DBNL: variants seen among roughly 807,000 people sequenced by gnomAD.
DBNL encodes the protein drebrin-like protein.
In DBNL, 35 loss-of-function variants were observed where a neutral mutation model predicts 62.2. That is an observed-to-expected ratio of 0.56 (90% CI 0.43 to 0.75). The LOEUF (loss-of-function observed/expected upper bound fraction) is 0.75, where lower values mean the gene tolerates loss of function less well. Among genes scored for constraint, DBNL ranks in the 30% least tolerant of loss-of-function variants. The pLI is 0.00. For missense variants in DBNL, 495 were observed against 578.4 expected, an observed-to-expected ratio of 0.86 and a Z score of 1.48; for synonymous variants, 197 against 218.0, an observed-to-expected ratio of 0.90 and a Z score of 0.85.
intron 1 of DBNL, among the ~76,000 whole-genome samples, chr7:44,048,465 G>C (rs2096121083): frequency 6.6e-6 from 1 of 152,126 alleles, no homozygotes; most frequent in South Asian, 2.1e-4. Flanking sequence ...CCTGTATTCT[G>C]TCTCCCCTCC....
At position 44,065,606 on chromosome 7, in the gene DBNL, TCCCAGCCCCCACCCAC is replaced by T. The variant is rs1435266763; in HGVS notation, c.*4698_*4713del. The T allele has an allele frequency of 1.2e-5, 17 of 1,432,060 alleles. No individual in the cohort carries two copies. The highest frequency in any genetic ancestry group is 7.0e-5 in the African/African-American group (5 of 71,442). The allele number at this position is 1,432,060 out of a possible 1,614,324, so 88.7% of individuals were successfully genotyped here. A position where few individuals can be genotyped will look rare whatever the true frequency, so the allele number is the denominator to read the frequency against. On this transcript the variant is annotated 3_prime_UTR_variant, in exon 13 of 13. Transcript: ENST00000448521. ...CACTCCCAGCTTTATAATAGTGTCT[TCCCAGCCCCCACCCAC>T]CCCAGCCAACTGCCAATCAGCATTC...
intron 4 of DBNL, among the ~76,000 whole-genome samples, chr7:44,054,242 G>C (rs2096132007): frequency 6.6e-6 from 1 of 152,046 alleles, no homozygotes; most frequent in Non-Finnish European, 1.5e-5. Context: ...ACCCAGGCTG[G>C]AACGCAGTGG....
intron 2 of DBNL, 53 bp downstream of exon 2, chr7:44,050,333 A>T: frequency 6.3e-7 from 1 of 1,595,956 alleles, no homozygotes; most frequent in Non-Finnish European, 8.6e-7. Context: ...GAGGGTGACG[A>T]CGAGGGGTCA....
At position 44,052,881 on chromosome 7, in the gene DBNL, G is replaced by C; in HGVS notation, c.267G>C (p.Val89=). 1 of 1,613,922 alleles carries C rather than the reference G, an allele frequency of 6.2e-7. No individual in the cohort carries two copies. The highest frequency in any genetic ancestry group is 8.5e-7 in the Non-Finnish European group (1 of 1,180,018). The part of the protein sequence containing the change: ...FVLINWTGEG[V]NDVRKGACAS... Reference sequence around the variant, plus strand: ...TTGTGTTGCAGACAGGCGAGGGCGTGAACGATGTGCGGAAGGGAGCCTGTG... The same window carrying C: ...TTGTGTTGCAGACAGGCGAGGGCGTCAACGATGTGCGGAAGGGAGCCTGTG... The change falls in exon 4 of 13, where the codon GTG becomes GTC. Residue 89 remains valine, a synonymous_variant. Coordinates refer to ENST00000448521, the MANE Select transcript of DBNL (RefSeq NM_001014436.3).
In DBNL at chr7:44,051,939, C is replaced by CTG; in HGVS notation, c.250_251dup (p.Trp84CysfsTer7). The CTG allele has an allele frequency of 6.2e-7, 1 of 1,614,072 alleles. No homozygotes were observed. The highest frequency in any genetic ancestry group is 8.5e-7 in the Non-Finnish European group (1 of 1,179,920). ...GACTGCCCAAATTTGTCCTCATCAA[C>CTG]TGGGTATGTGGAGCCTGTTTCATCT... On this transcript the variant is annotated frameshift_variant, in exon 3 of 13. Coordinates refer to ENST00000448521, the MANE Select transcript of DBNL (RefSeq NM_001014436.3). LOFTEE classifies it high-confidence loss of function.
rs1048535588 is a variant in DBNL at position 44,068,902 on chromosome 7, C to T, written c.*7986C>T. On this transcript the variant is annotated 3_prime_UTR_variant, in exon 13 of 13. Coordinates refer to ENST00000448521, the MANE Select transcript of DBNL (RefSeq NM_001014436.3). The stretch of plus-strand genomic sequence containing the variant: ...AAAGACCAAGAAAAATAAGATCAGC[C>T]AGAGAAAAACGATACATTTCATTCA... 2.0e-5 allele frequency: 3 copies of T among 152,098 alleles called. No individual in the cohort carries two copies. The highest frequency in any genetic ancestry group is 4.8e-5 in the African/African-American group (2 of 41,420). 9.4% of individuals were successfully genotyped at this position (152,098 alleles called of 1,614,324 possible).
At chr7:44,053,316 G>A (rs972732430) in intron 4 of DBNL, among the ~76,000 whole-genome samples, 1 of 152,226 alleles carries the variant, frequency 6.6e-6, no homozygotes, top group Non-Finnish European at 1.5e-5. Flanking sequence ...GCACGCATGT[G>A]CCCTTTTGAT....
rs1226415251 is a variant in DBNL, at chr7:44,056,763, C to T, written c.334C>T (p.His112Tyr). ...STMASFLKGA[H>Y]VTINARAEED... ...AGTGCTGCTCCTGCTGCAGGGGGCC[C>T]ATGTGACCATCAACGCACGGGCCGA... is the stretch of plus-strand genomic sequence containing the variant. The change falls in exon 5 of 13, where the codon CAT (histidine) becomes TAT (tyrosine). Residue 112 changes from histidine to tyrosine, a missense_variant. By Grantham distance (83) the His-to-Tyr change is moderately conservative (BLOSUM62 2). Coordinates refer to ENST00000448521, the MANE Select transcript of DBNL (RefSeq NM_001014436.3). 6.2e-7 allele frequency: 1 copy of T among 1,613,868 alleles called. No individual in the cohort carries two copies. The highest frequency in any genetic ancestry group is 1.7e-5 in the Admixed American group (1 of 60,004).
chr7:44,053,801 C>T (rs1260550484), intron 4 of DBNL, among the ~76,000 whole-genome samples: 3 of 151,790 alleles, frequency 2.0e-5, no homozygotes, highest in African/African-American at 4.8e-5. Flanking sequence ...CTCAGCCTCC[C>T]GATTAGCTGG....
chr7:44,051,532 T>C (rs766138341), intron 2 of DBNL: 1 of 247,616 alleles, frequency 4.0e-6, no homozygotes. Flanking sequence ...ACCCTGTTTT[T>C]ATTTCCAGAA....
At position 44,057,876 on chromosome 7, in the gene DBNL, G is replaced by A. The variant is rs757098575; in HGVS notation, c.552+17G>A. On this transcript the variant is annotated intron_variant, in intron 6 of 12. Transcript: ENST00000448521. ...AAAGCAGAGGTGAGTGCTGCCCCGG[G>A]GCATGCTGGGCACGTGGGAGTGTTC... 1 of 1,613,956 alleles carries A rather than the reference G, an allele frequency of 6.2e-7. No homozygotes were observed. The highest frequency in any genetic ancestry group is 2.2e-5 in the East Asian group (1 of 44,880).
chr7:44,054,093 C>CG (rs1388262621), intron 4 of DBNL, among the ~76,000 whole-genome samples: 1 of 152,118 alleles, frequency 6.6e-6, no homozygotes, highest in Non-Finnish European at 1.5e-5. Flanking sequence ...CAGTGAATGA[C>CG]GTCATGGGTC....
chr7:44,056,088 T>A (rs907991487), intron 4 of DBNL, among the ~76,000 whole-genome samples: 1 of 152,216 alleles, frequency 6.6e-6, no homozygotes, highest in Non-Finnish European at 1.5e-5. Flanking sequence ...GAGTTTTTTT[T>A]TAATATGGTA....
rs927457793 is a variant in DBNL, at chr7:44,059,467, C to T, written c.931+18C>T. The stretch of plus-strand genomic sequence containing the variant: ...CAGGGCAGGCAAGGCGCTTGTCACC[C>T]CATGGGGACCCTGGGGGACAGCAGT... On this transcript the variant is annotated intron_variant, in intron 10 of 12. Transcript: ENST00000448521. This position sits in a 1 kb window ranked among gnomAD's most constrained non-coding sequence, Gnocchi z 4.1. The T allele has an allele frequency of 6.2e-7, 1 of 1,613,698 alleles. No individual in the cohort carries two copies. The highest frequency in any genetic ancestry group is 8.5e-7 in the Non-Finnish European group (1 of 1,179,898).
rs776862563 is a variant in DBNL at position 44,061,713 on chromosome 7, C to T, written c.*797C>T. ...GAAGAACAAATATGCTTTTGGACCA[C>T]GAATTCCCAGTTTGGTCTACACAGG... On this transcript the variant is annotated 3_prime_UTR_variant, in exon 13 of 13. Coordinates refer to ENST00000448521, the MANE Select transcript of DBNL (RefSeq NM_001014436.3). 6 of 152,244 alleles carry T rather than the reference C, an allele frequency of 3.9e-5. No individual in the cohort carries two copies. The highest frequency in any genetic ancestry group is 1.3e-4 in the Admixed American group (2 of 15,282). The allele number at this position is 152,244 out of a possible 1,614,324, so 9.4% of individuals were successfully genotyped here.
intron 5 of DBNL, 100 bp downstream of exon 5, chr7:44,057,003 T>C (rs1251383175): frequency 6.5e-7 from 1 of 1,534,716 alleles, no homozygotes; most frequent in Non-Finnish European, 8.8e-7. Context: ...GCTGGGCCCA[T>C]GCCTGCTTAG....
intron 4 of DBNL, among the ~76,000 whole-genome samples, chr7:44,053,821 C>A (rs1041977255): frequency 6.6e-6 from 1 of 151,972 alleles, no homozygotes; most frequent in Admixed American, 6.6e-5. Flanking sequence ...GGACTGCAGG[C>A]ACCCGCCACC....
Position 44,060,634 on chromosome 7 carries a change from G to C in DBNL, c.1154-143G>C. ...AGGGTGCAGTGTTGGCCAAGGCTTA[G>C]CAGGGTGGCAGGGATATTTCTGAGG... On this transcript the variant is annotated intron_variant, in intron 12 of 12. Transcript: ENST00000448521. The surrounding 1 kb of genome is among the most constrained non-coding windows in gnomAD (Gnocchi z 6.3). 8.0e-7 allele frequency: 1 copy of C among 1,248,254 alleles called. No individual in the cohort carries two copies. The highest frequency in any genetic ancestry group is 1.1e-6 in the Non-Finnish European group (1 of 911,132). 77.3% of individuals were successfully genotyped at this position (1,248,254 alleles called of 1,614,324 possible). A position where few individuals can be genotyped will look rare whatever the true frequency, so the allele number is the denominator to read the frequency against.
intron 4 of DBNL, 25 bp from the exon 5 acceptor site, chr7:44,056,732 C>A (rs778634757): frequency 6.2e-7 from 1 of 1,613,544 alleles, no homozygotes; most frequent in East Asian, 2.2e-5. Flanking sequence ...CAAAGCCCTT[C>A]TTTCAAGTGC....
Sources: gnomAD v4.1 joint callset for allele counts (sites outside exome capture counted in the v4.1 genomes callset) on GRCh38, gnomAD v4.1.1 for gene constraint, Gnocchi (gnomAD v3.1) non-coding constraint, MANE v1.5 for transcripts, NCBI Gene and HGNC (gene_info 2026-07-23, HGNC 2026-07-21) for gene names.